TMPRSS11D: variants seen among roughly 807,000 people sequenced by gnomAD.
TMPRSS11D encodes transmembrane protease serine 11D.
In TMPRSS11D, 32 loss-of-function variants were observed where a neutral mutation model predicts 44.4. The observed-to-expected ratio is 0.72, with a 90% CI of 0.54 to 0.97. The LOEUF (loss-of-function observed/expected upper bound fraction) is 0.97. Ranked by LOEUF, TMPRSS11D falls within the 50% of genes least tolerant of loss-of-function variation. The probability of loss-of-function intolerance (pLI) is 0.00; values close to 1 mark genes in which losing one functional copy is unlikely to be tolerated. For missense variants in TMPRSS11D, 446 were observed against 502.6 expected, an observed-to-expected ratio of 0.89 and a Z score of 1.08; for synonymous variants, 179 against 177.9, an observed-to-expected ratio of 1.01 and a Z score of -0.05.
chr4:67,877,186 A>C (rs946131738), intron 1 of TMPRSS11D, among the ~76,000 whole-genome samples: 1 of 152,160 alleles, frequency 6.6e-6, no homozygotes, highest in South Asian at 2.1e-4. Flanking sequence ...TGCTAATTGC[A>C]TCTCCTCTAG....
chr4:67,848,415 C>G lies in TMPRSS11D; in HGVS notation c.249+5653G>C, dbSNP rs139775777. 8.5e-5 allele frequency among the ~76,000 whole-genome samples: 13 copies of G among 152,282 alleles called. No homozygotes were observed. In the East Asian group the frequency reaches 2.5e-3, roughly 29 times the overall value. On this transcript the variant is annotated intron_variant, in intron 3 of 9. Transcript: ENST00000283916. ...TTTTTGAGCATCTCTTGTGTGCCAC[C>G]ACCTCCCGCCCTCCTTCTGTCAGGT... is the stretch of plus-strand genomic sequence containing the variant.
chr4:67,824,137 G>GTT (rs5859106), intron 9 of TMPRSS11D, among the ~76,000 whole-genome samples: 4 of 143,776 alleles, frequency 2.8e-5, no homozygotes, highest in Non-Finnish European at 3.0e-5. Flanking sequence ...AAAGTGCTGT[G>GTT]TTTTTTTTTT....
intron 1 of TMPRSS11D, chr4:67,860,353 C>T (rs1718767227): frequency 6.6e-6 from 1 of 152,110 alleles, no homozygotes; most frequent in Non-Finnish European, 1.5e-5. Flanking sequence ...CTGGGGAAGT[C>T]ACCAGGGGAG....
At chr4:67,832,499 T>C (rs558847047) in intron 7 of TMPRSS11D, among the ~76,000 whole-genome samples, 100 of 152,100 alleles carry the variant, frequency 6.6e-4, no homozygotes, top group African/African-American at 2.1e-3. Flanking sequence ...ATCACCCTAG[T>C]GTTGGCAATA....
chr4:67,834,283 C>T (rs1718019054), intron 6 of TMPRSS11D, among the ~76,000 whole-genome samples: 1 of 152,014 alleles, frequency 6.6e-6, no homozygotes, highest in African/African-American at 2.4e-5. Context: ...TAGCAAATTT[C>T]CTGGATAAAG....
Position 67,838,228 on chromosome 4 carries a change from C to A in TMPRSS11D, c.419G>T (p.Arg140Leu). 1.3e-6 allele frequency: 2 copies of A among 1,598,054 alleles called. No individual in the cohort carries two copies. The highest frequency in any genetic ancestry group is 1.7e-6 in the Non-Finnish European group (2 of 1,173,526). Residue 140 changes from arginine to leucine, a missense_variant, in exon 5 of 10, where the codon CGA (arginine) becomes CTA (leucine). Physicochemically the swap from Arg to Leu is moderately radical, Grantham distance 102. Coordinates refer to ENST00000283916, the MANE Select transcript of TMPRSS11D (RefSeq NM_004262.3). ...SMKSRIESVL[R>L]QMLNNSGNLE... The stretch of plus-strand genomic sequence containing the variant: ...GTTTCCAGAGTTATTCAGCATTTGT[C>A]GTAAAACAGACTCAATTCTGCTTTT...
chr4:67,854,807 A>T (rs1038268280), intron 2 of TMPRSS11D, among the ~76,000 whole-genome samples: 3 of 152,242 alleles, frequency 2.0e-5, no homozygotes, highest in African/African-American at 7.2e-5. Context: ...GTCCAGGACC[A>T]ATGGCTTTAT....
intron 2 of TMPRSS11D, among the ~76,000 whole-genome samples, chr4:67,854,912 CT>C (rs1230701566): frequency 2.0e-5 from 3 of 152,110 alleles, no homozygotes; most frequent in Non-Finnish European, 2.9e-5. Flanking sequence ...CCAACTCATT[CT>C]ATGAAGCCAG....
chr4:67,827,520 G>A lies in TMPRSS11D; in HGVS notation c.693C>T (p.Ser231=). The change falls in exon 8 of 10, where the codon AGC becomes AGT. Residue 231 remains serine (S), a splice_region_variant and synonymous_variant. Transcript: ENST00000283916. ...CAATCCAGTCACGAGGATTAGAGTT[G>A]CTAAAACATTATGAAAACATGCTAT... ...WILTAAHCFR[S]NSNPRDWIAT... 1 of 1,584,426 alleles carries A rather than the reference G, an allele frequency of 6.3e-7. No homozygotes were observed. The highest frequency in any genetic ancestry group is 1.2e-5 in the South Asian group (1 of 85,402).
chr4:67,875,754 G>A (rs938825742), intron 1 of TMPRSS11D, among the ~76,000 whole-genome samples: 2 of 152,234 alleles, frequency 1.3e-5, no homozygotes, highest in Non-Finnish European at 2.9e-5. Flanking sequence ...TCCTTGTTAT[G>A]AGTCCAGTGA....
Position 67,854,176 on chromosome 4 carries a change from A to C in TMPRSS11D, c.141T>G (p.Ser47=). ...GTTGAAAACTGCTCCTATAAAAGTA[A>C]GATTTTTGATCTGAAAAAGAAATAA... ...LVYFLAFDQK[S]YFYRSSFQLL... is the part of the protein sequence containing the mutation. Residue 47 remains serine (S), a synonymous_variant, in exon 3 of 10, where the codon TCT becomes TCG. Coordinates refer to ENST00000283916, the MANE Select transcript of TMPRSS11D (RefSeq NM_004262.3). 6.6e-7 allele frequency: 1 copy of C among 1,524,842 alleles called. No individual in the cohort carries two copies. The highest frequency in any genetic ancestry group is 1.2e-5 in the South Asian group (1 of 83,892). The allele number at this position is 1,524,842 out of a possible 1,614,324, so 94.5% of individuals were successfully genotyped here.
chr4:67,857,007 A>G (rs564007084), intron 2 of TMPRSS11D, among the ~76,000 whole-genome samples: 1 of 152,100 alleles, frequency 6.6e-6, no homozygotes, highest in Non-Finnish European at 1.5e-5. Flanking sequence ...GAGTGCAGAG[A>G]GAAGAGAATT....
intron 1 of TMPRSS11D, among the ~76,000 whole-genome samples, chr4:67,867,286 A>G (rs1488969127): frequency 6.6e-6 from 1 of 152,122 alleles, no homozygotes; most frequent in African/African-American, 2.4e-5. Context: ...TGTATATCAA[A>G]GAATAAAACT....
chr4:67,866,062 T>A (rs553727986), intron 1 of TMPRSS11D, among the ~76,000 whole-genome samples: 4 of 151,644 alleles, frequency 2.6e-5, no homozygotes, highest in Non-Finnish European at 5.9e-5. Flanking sequence ...AAACTGTAGG[T>A]CAAAATCCTT....
At chr4:67,846,910 A>ATT (rs35544443) in intron 3 of TMPRSS11D, among the ~76,000 whole-genome samples, 2 of 145,430 alleles carry the variant, frequency 1.4e-5, no homozygotes, top group African/African-American at 5.0e-5. Context: ...CTAAAAAGTG[A>ATT]TTTTTTTTTT....
At chr4:67,863,314 A>T (rs555267546) in intron 1 of TMPRSS11D, among the ~76,000 whole-genome samples, 1 of 148,340 alleles carries the variant, frequency 6.7e-6, no homozygotes, top group Non-Finnish European at 1.5e-5. Context: ...TAGAAAACCA[A>T]AACTGGTCTT....
intron 6 of TMPRSS11D, 99 bp downstream of exon 6, chr4:67,834,984 C>T: frequency 9.3e-7 from 1 of 1,080,560 alleles, no homozygotes; most frequent in South Asian, 1.3e-5. Flanking sequence ...AAGACATCAA[C>T]TTGATAGATA....
chr4:67,823,407 T>C (rs6818466), intron 9 of TMPRSS11D, among the ~76,000 whole-genome samples: 122,802 of 151,864 alleles, frequency 0.81, 50,304 homozygotes, highest in Middle Eastern at 0.91. Flanking sequence ...ATTAAGTCTG[T>C]GGGTTCTGAA....
At chr4:67,859,051 CCTAA>C (rs1718729564) in intron 2 of TMPRSS11D, among the ~76,000 whole-genome samples, 1 of 152,204 alleles carries the variant, frequency 6.6e-6, no homozygotes, top group South Asian at 2.1e-4. Flanking sequence ...TCCTGACCAT[CCTAA>C]CTGTTAGGCT....
Sources: gnomAD v4.1 joint callset for allele counts (sites outside exome capture counted in the v4.1 genomes callset) on GRCh38, gnomAD v4.1.1 for gene constraint, MANE v1.5 for transcripts, NCBI Gene and HGNC (gene_info 2026-07-23, HGNC 2026-07-21) for gene names.